The following ITPR2 variants were observed in gnomAD, a reference collection of about 807,000 sequenced individuals.
ITPR2 encodes inositol 1,4,5-trisphosphate-gated calcium channel ITPR2.
ITPR2 carries 207 observed loss-of-function variants against 317.1 expected under a neutral mutation model. That is an observed-to-expected ratio of 0.65 (90% CI 0.58 to 0.73). ITPR2 has a LOEUF of 0.73. Among genes scored for constraint, ITPR2 ranks in the 30% least tolerant of loss-of-function variants. ITPR2 has a pLI of 0.00. For missense variants in ITPR2, 2,613 were observed against 3,284.0 expected (o/e 0.80, Z 4.99); for synonymous variants, 1,156 against 1,149.1 (o/e 1.01, Z -0.12).
rs748567988 is a variant in ITPR2, at chr12:26,715,778, A to T, written c.682T>A (p.Ser228Thr). 6.2e-7 allele frequency: 1 copy of T among 1,607,402 alleles called. No individual in the cohort carries two copies. The highest frequency in any genetic ancestry group is 1.1e-5 in the South Asian group (1 of 90,918). Reference sequence around the variant, plus strand: ...CCTTTTAATACATCCTCTCGATAGGAACTATATTTCATGAATAAAGTGATT... The same window carrying T: ...CCTTTTAATACATCCTCTCGATAGGTACTATATTTCATGAATAAAGTGATT... ...WKITLFMKYS[S>T]YREDVLKGGD... Residue 228 changes from serine to threonine, a missense_variant, in exon 7 of 57, where the codon TCC becomes ACC. This residue lies in a region of ITPR2 where 515 missense variants were observed against 789.4 expected (regional missense o/e 0.65). Transcript: ENST00000381340.
At chr12:26,555,963 A>G (rs1171249053) in intron 36 of ITPR2, among the ~76,000 whole-genome samples, 1 of 152,232 alleles carries the variant, frequency 6.6e-6, no homozygotes, top group Non-Finnish European at 1.5e-5. Flanking sequence ...AGGAATTAGG[A>G]CCAAAATATT....
At chr12:26,699,699 A>T (rs1255560868) in intron 9 of ITPR2, among the ~76,000 whole-genome samples, 1 of 152,186 alleles carries the variant, frequency 6.6e-6, no homozygotes, top group Non-Finnish European at 1.5e-5. Context: ...AAGCCACCCA[A>T]ATAAATCCAG....
intron 1 of ITPR2, among the ~76,000 whole-genome samples, chr12:26,797,232 A>T (rs1032305574): frequency 1.3e-5 from 2 of 152,230 alleles, no homozygotes; most frequent in Non-Finnish European, 2.9e-5. Context: ...GCTACACTAA[A>T]CAGCATATAT....
intron 1 of ITPR2, among the ~76,000 whole-genome samples, chr12:26,814,352 C>G (rs763305023): frequency 6.6e-6 from 1 of 152,092 alleles, no homozygotes; most frequent in African/African-American, 2.4e-5. Flanking sequence ...AGCACCCTAA[C>G]TAATAAAACT....
chr12:26,491,731 A>G (rs889595735), intron 39 of ITPR2, among the ~76,000 whole-genome samples: 23 of 152,264 alleles, frequency 1.5e-4, no homozygotes, highest in African/African-American at 2.9e-4. Flanking sequence ...GGAAGAGAGT[A>G]AGTAAGGGTG....
chr12:26,521,522 C>T (rs1943665063), intron 37 of ITPR2, among the ~76,000 whole-genome samples: 1 of 152,126 alleles, frequency 6.6e-6, no homozygotes, highest in African/African-American at 2.4e-5. Context: ...CGAGTCTTTC[C>T]AAAGCTTCAG....
chr12:26,570,401 A>T (rs1945128623), intron 34 of ITPR2, among the ~76,000 whole-genome samples: 1 of 152,188 alleles, frequency 6.6e-6, no homozygotes, highest in Admixed American at 6.5e-5. Context: ...TGAGTTTTTA[A>T]AAACTGTGAT....
intron 55 of ITPR2, among the ~76,000 whole-genome samples, chr12:26,347,261 T>C (rs1938339753): frequency 1.3e-5 from 2 of 152,208 alleles, no homozygotes; most frequent in Admixed American, 6.5e-5. Context: ...AATAATGTGA[T>C]TGGCTTATGT....
intron 55 of ITPR2, among the ~76,000 whole-genome samples, chr12:26,342,103 A>G (rs1489498280): frequency 6.6e-6 from 1 of 152,158 alleles, no homozygotes; most frequent in African/African-American, 2.4e-5. Context: ...ACACAGCCCA[A>G]GTGGATGTGC....
chr12:26,651,740 G>A (rs902617544), intron 21 of ITPR2, among the ~76,000 whole-genome samples: 8 of 152,216 alleles, frequency 5.3e-5, no homozygotes, highest in African/African-American at 1.7e-4. Flanking sequence ...TCCACAAGGA[G>A]CGGGTTTATA....
In ITPR2 at chr12:26,655,877, G is replaced by T. The variant is rs200146944; in HGVS notation, c.2445-25C>A. ...TCTGGAAATAGAGAAAGAAGATAACGCAAGTTAAACTGATTGCAATCATTT... is the reference window on the plus strand; with the variant it reads ...TCTGGAAATAGAGAAAGAAGATAACTCAAGTTAAACTGATTGCAATCATTT... On this transcript the variant is annotated intron_variant, in intron 19 of 56. Transcript: ENST00000381340. The T allele has an allele frequency of 5.1e-5, 81 of 1,592,904 alleles. No homozygotes were observed. In the Admixed American group the frequency reaches 1.3e-3, roughly 26 times the overall value.
chr12:26,503,936 A>G (rs1158957565), intron 37 of ITPR2, among the ~76,000 whole-genome samples: 2 of 152,218 alleles, frequency 1.3e-5, no homozygotes, highest in Non-Finnish European at 2.9e-5. Flanking sequence ...ATCCAGCTCC[A>G]ACCTTCTATA....
At chr12:26,615,460 C>T (rs1484462788) in intron 26 of ITPR2, among the ~76,000 whole-genome samples, 1 of 152,034 alleles carries the variant, frequency 6.6e-6, no homozygotes, top group East Asian at 1.9e-4. Flanking sequence ...AAAAATTATC[C>T]ATATGCCATA....
intron 34 of ITPR2, among the ~76,000 whole-genome samples, chr12:26,565,634 A>G (rs1471540847): frequency 6.6e-6 from 1 of 151,744 alleles, no homozygotes; most frequent in Non-Finnish European, 1.5e-5. Context: ...AAGCTTAAAG[A>G]TACTCAAAAA....
At chr12:26,708,897 C>A (rs774237180) in intron 9 of ITPR2, among the ~76,000 whole-genome samples, 28 of 152,054 alleles carry the variant, frequency 1.8e-4, no homozygotes, top group Admixed American at 3.9e-4. Flanking sequence ...TACTATGTGT[C>A]CATAAAAATT....
Position 26,339,003 on chromosome 12 carries a change from A to G in ITPR2, c.*394T>C, listed in dbSNP as rs371951695. On this transcript the variant is annotated 3_prime_UTR_variant, in exon 57 of 57. Transcript: ENST00000381340. ...AAACCTATATGCCACAATTAAAAGA[A>G]AGAAATTCCAGCCAACCATGTCAGT... is the stretch of plus-strand genomic sequence containing the variant. 3 of 159,082 alleles carry G rather than the reference A, an allele frequency of 1.9e-5. No homozygotes were observed. The highest frequency in any genetic ancestry group is 7.2e-5 in the African/African-American group (3 of 41,706). The allele number at this position is 159,082 out of a possible 1,614,324, so 9.9% of individuals were successfully genotyped here.
chr12:26,557,025 C>T (rs544695178), intron 35 of ITPR2, among the ~76,000 whole-genome samples: 15 of 151,660 alleles, frequency 9.9e-5, no homozygotes, highest in African/African-American at 2.4e-4. Context: ...GTTGCAGTGA[C>T]GCAATATAGC....
chr12:26,598,185 A>T (rs1317127420), intron 30 of ITPR2, among the ~76,000 whole-genome samples: 1 of 152,188 alleles, frequency 6.6e-6, no homozygotes, highest in African/African-American at 2.4e-5. Flanking sequence ...GCAAATGCAG[A>T]TAAGAAAAAG....
intron 10 of ITPR2, among the ~76,000 whole-genome samples, chr12:26,692,320 G>A (rs930570469): frequency 1.3e-5 from 2 of 152,176 alleles, no homozygotes; most frequent in African/African-American, 4.8e-5. Context: ...ATTGGCACCT[G>A]GTGAGTAGAG....
Sources: allele counts gnomAD v4.1 joint callset (sites outside exome capture counted in the v4.1 genomes callset), GRCh38; gene constraint gnomAD v4.1.1; regional missense constraint gnomAD v4.1.1; transcripts MANE v1.5; gene names NCBI Gene and HGNC (gene_info 2026-07-23, HGNC 2026-07-21).